POLA1: variants seen among roughly 807,000 people sequenced by gnomAD.
The protein encoded by POLA1 is DNA polymerase alpha catalytic subunit.
In POLA1, 15 loss-of-function variants were observed where a neutral mutation model predicts 124.0. The ratio of observed to expected loss-of-function variants is 0.12; its 90% CI spans 0.08 to 0.19. The LOEUF (loss-of-function observed/expected upper bound fraction) is 0.19, where lower values mean the gene tolerates loss of function less well. POLA1 is among the 10% of genes least tolerant of loss of function. The pLI, the probability that POLA1 is intolerant of heterozygous loss-of-function variation, is 1.00. For missense variants in POLA1, 886 were observed against 1,103.4 expected (o/e 0.80, Z 2.79); for synonymous variants, 408 against 389.4 (o/e 1.05, Z -0.56).
At chrX:24,980,974 C>G (rs938052250) in intron 36 of POLA1, among the ~76,000 whole-genome samples, 4 of 111,887 alleles carry the variant, frequency 3.6e-5, no homozygotes, top group Non-Finnish European at 5.6e-5. Flanking sequence ...GAGCTCCTGG[C>G]TGTGTAGCCT....
Position 24,810,357 on chromosome X carries a change from A to G in POLA1, c.2998-351A>G, listed in dbSNP as rs191347005. Among the ~76,000 whole-genome samples, 4 of 111,758 alleles carry G rather than the reference A, an allele frequency of 3.6e-5. No homozygotes were observed. The East Asian group carries it at 1.1e-3, about 31-fold the overall frequency. On this transcript the variant is annotated intron_variant, in intron 27 of 36. Transcript: ENST00000379068. ...TCTTAAATTGCCATGACCACTAAGC[A>G]TGTGGTACAGTGGATAAATATAGAC...
chrX:24,816,045 TTTG>T (rs1308727028), intron 30 of POLA1, among the ~76,000 whole-genome samples: 2 of 112,480 alleles, frequency 1.8e-5, no homozygotes, highest in South Asian at 3.7e-4. Context: ...TTTATTTAAA[TTTG>T]TTGATTATTT....
At chrX:24,743,195 C>A (rs746870306) in intron 22 of POLA1, 35 bp from the exon 23 acceptor site, 2 of 710,326 alleles carry the variant, frequency 2.8e-6, no homozygotes, top group Non-Finnish European at 4.3e-6. Flanking sequence ...TAATTAGTTG[C>A]TGGCTGGTGA....
At chrX:24,821,609 C>CT in intron 31 of POLA1, 26 bp downstream of exon 31, 1 of 1,133,458 alleles carries the variant, frequency 8.8e-7, no homozygotes, top group Non-Finnish European at 1.2e-6. Context: ...TCGTAAGACT[C>CT]TGACACCTCT....
At chrX:24,704,791 A>G (rs1160188818) in intron 4 of POLA1, among the ~76,000 whole-genome samples, 1 of 112,123 alleles carries the variant, frequency 8.9e-6, no homozygotes, top group Non-Finnish European at 1.9e-5. Context: ...GATCTTTTTT[A>G]ATTCCTACTG....
chrX:24,894,534 A>G (rs993984311), intron 35 of POLA1, among the ~76,000 whole-genome samples: 3 of 111,885 alleles, frequency 2.7e-5, no homozygotes, highest in Non-Finnish European at 5.6e-5. Context: ...TGGCGGGGCC[A>G]TTTTCCCTCT....
At chrX:24,967,146 C>G (rs1275049131) in intron 36 of POLA1, among the ~76,000 whole-genome samples, 2 of 109,628 alleles carry the variant, frequency 1.8e-5, no homozygotes, top group Non-Finnish European at 3.8e-5. Flanking sequence ...GTGATACGTT[C>G]CGGTTCTTTG....
chrX:24,746,109 A>G (rs1313296221), intron 24 of POLA1, among the ~76,000 whole-genome samples: 1 of 110,792 alleles, frequency 9.0e-6, no homozygotes, highest in African/African-American at 3.3e-5. Context: ...CTGAATTTAT[A>G]TGTCAGTTCT....
At chrX:24,883,297 G>A (rs1399596218) in intron 34 of POLA1, among the ~76,000 whole-genome samples, 3 of 112,180 alleles carry the variant, frequency 2.7e-5, no homozygotes, top group Admixed American at 9.4e-5. Context: ...TCTGTGAGTT[G>A]TCTGTTTACT....
intron 26 of POLA1, among the ~76,000 whole-genome samples, chrX:24,806,053 G>GGT (rs2045791856): frequency 2.8e-5 from 1 of 35,286 alleles, no homozygotes; most frequent in Non-Finnish European, 4.7e-5. Context: ...GTGGTATGAG[G>GGT]TTTTTTTTTT....
intron 24 of POLA1, among the ~76,000 whole-genome samples, chrX:24,745,793 C>T (rs759568718): frequency 2.7e-5 from 3 of 111,687 alleles, no homozygotes; most frequent in Non-Finnish European, 5.6e-5. Context: ...AATCCCCATC[C>T]CTTCCACCTC....
At chrX:24,839,888 C>T (rs775324065) in intron 32 of POLA1, among the ~76,000 whole-genome samples, 1 of 111,998 alleles carries the variant, frequency 8.9e-6, no homozygotes, top group Admixed American at 9.5e-5. Flanking sequence ...GCGACAGTTA[C>T]CCCTCACTAC....
intron 28 of POLA1, among the ~76,000 whole-genome samples, chrX:24,811,471 G>A (rs867468482): frequency 1.8e-5 from 2 of 108,875 alleles, no homozygotes; most frequent in African/African-American, 6.7e-5. Flanking sequence ...TGTATTTTTG[G>A]TAGAGACGGG....
intron 26 of POLA1, among the ~76,000 whole-genome samples, chrX:24,809,383 A>G (rs188046723): frequency 1.3e-3 from 148 of 111,573 alleles, no homozygotes; most frequent in Admixed American, 2.1e-3. Context: ...AATTCACTGA[A>G]TGTTTCTTGA....
chrX:24,696,683 AAC>A (rs1402331139), intron 1 of POLA1, among the ~76,000 whole-genome samples: 1 of 111,364 alleles, frequency 9.0e-6, no homozygotes, highest in Non-Finnish European at 1.9e-5. Context: ...GGATTTCACA[AAC>A]AGTTTCAGAT....
At chrX:24,785,394 A>G (rs1569309212) in intron 26 of POLA1, among the ~76,000 whole-genome samples, 1 of 112,104 alleles carries the variant, frequency 8.9e-6, no homozygotes, top group Non-Finnish European at 1.9e-5. Context: ...GGGGGTGACC[A>G]GTACTATTCC....
chrX:24,735,527 A>G lies in POLA1; in HGVS notation c.1923+39A>G, dbSNP rs771221952. ...TGATCATGTTGTGGGGAAGCTCTTC[A>G]TTTCTTAGTTCTTTTCAGTGTGACT... On this transcript the variant is annotated intron_variant, in intron 18 of 36. Transcript: ENST00000379068. The G allele has an allele frequency of 6.3e-6, 5 of 790,771 alleles. No individual in the cohort carries two copies. In the African/African-American group the frequency reaches 1.0e-4, roughly 16 times the overall value. 65.2% of individuals were successfully genotyped at this position (790,771 alleles called of 1,213,427 possible). A position where few individuals can be genotyped will look rare whatever the true frequency, so the allele number is the denominator to read the frequency against.
chrX:24,906,908 G>A (rs1204090814), intron 35 of POLA1, among the ~76,000 whole-genome samples: 1 of 101,325 alleles, frequency 9.9e-6, no homozygotes, highest in Non-Finnish European at 2.1e-5. Context: ...CAGTGTAGAC[G>A]AGGCATGGTG....
At chrX:24,799,927 G>GT (rs2045677161) in intron 26 of POLA1, among the ~76,000 whole-genome samples, 1 of 112,011 alleles carries the variant, frequency 8.9e-6, no homozygotes. Context: ...GATTACTGAA[G>GT]TAAGACACTT....
Sources: gnomAD v4.1 joint callset for allele counts (sites outside exome capture counted in the v4.1 genomes callset) on GRCh38, gnomAD v4.1.1 for gene constraint, MANE v1.5 for transcripts, NCBI Gene and HGNC (gene_info 2026-07-23, HGNC 2026-07-21) for gene names.